The following LRRIQ1 variants were observed in gnomAD, a reference collection of about 807,000 sequenced individuals.
The protein encoded by LRRIQ1 is leucine rich repeats and IQ motif containing 1.
Under a neutral mutation model 211.9 loss-of-function variants are expected in LRRIQ1, and 210 were observed. The ratio of observed to expected loss-of-function variants is 0.99; its 90% CI spans 0.89 to 1.11. LRRIQ1 has a LOEUF of 1.11. Among genes scored for constraint, LRRIQ1 ranks in the 50% most tolerant of loss-of-function variants. The pLI is 0.00. For missense variants in LRRIQ1, 2,136 were observed against 1,939.5 expected (o/e 1.10, Z -1.90); for synonymous variants, 699 against 650.1 (o/e 1.08, Z -1.14).
intron 10 of LRRIQ1, among the ~76,000 whole-genome samples, chr12:85,069,047 G>A (rs867724844): frequency 1.5e-4 from 22 of 150,804 alleles, no homozygotes; most frequent in African/African-American, 2.7e-4. Context: ...CCATTAACTC[G>A]TCATTTAGCA....
chr12:85,082,092 A>G, intron 11 of LRRIQ1, among the ~76,000 whole-genome samples: 1 of 152,070 alleles, frequency 6.6e-6, no homozygotes, highest in Admixed American at 6.6e-5. Context: ...TTTCTCTAGT[A>G]AGAAAATTGG....
At chr12:85,261,765 TTTTATTTATTTATTTATTTA>T (rs375693906) in intron 1 of LRRIQ1, among the ~76,000 whole-genome samples, 10 of 139,666 alleles carry the variant, frequency 7.2e-5, no homozygotes, top group South Asian at 2.2e-4. Flanking sequence ...TTTTTGTTTA[TTTTATTTATTTATTTATTTA>T]TTTATTTATT....
rs1177157086 is a variant in LRRIQ1 at position 85,042,854 on chromosome 12, A to G, written c.245-1864A>G. ...CAAAAATACTTTATTTCTAAAAGCT[A>G]TATATTTCAGATCAAAATTGTACAA... On this transcript the variant is annotated intron_variant, in intron 3 of 26. Transcript: ENST00000393217. Among the ~76,000 whole-genome samples, 3 of 152,092 alleles carry G rather than the reference A, an allele frequency of 2.0e-5. No homozygotes were observed. The East Asian group carries it at 5.8e-4, about 29-fold the overall frequency.
chr12:85,098,727 T>A, intron 12 of LRRIQ1, 140 bp from the exon 13 acceptor site: 1 of 691,196 alleles, frequency 1.4e-6, no homozygotes, highest in Non-Finnish European at 2.2e-6. Context: ...TTATTCATAT[T>A]TAAAAAGTCT....
At chr12:85,151,036 C>A (rs535899493) in intron 19 of LRRIQ1, among the ~76,000 whole-genome samples, 5 of 151,362 alleles carry the variant, frequency 3.3e-5, no homozygotes, top group African/African-American at 4.8e-5. Context: ...ACTATAGTCA[C>A]CATGTTGTGC....
intron 24 of LRRIQ1, among the ~76,000 whole-genome samples, chr12:85,187,197 T>C (rs1236407027): frequency 6.6e-6 from 1 of 152,172 alleles, no homozygotes; most frequent in Non-Finnish European, 1.5e-5. Context: ...GAATGAAGGA[T>C]GTTGCATGCA....
At position 85,055,986 on chromosome 12, in the gene LRRIQ1, G is replaced by A; in HGVS notation, c.1193G>A (p.Ser398Asn). The A allele has an allele frequency of 1.2e-6, 2 of 1,609,772 alleles. No homozygotes were observed. The highest frequency in any genetic ancestry group is 1.7e-6 in the Non-Finnish European group (2 of 1,178,202). The change falls in exon 8 of 27, where the codon AGT becomes AAT. Residue 398 changes from serine (S) to asparagine (N), a missense_variant. Transcript: ENST00000393217. ...GCAAGCCAACAGCTAATAATAAGTA[G>A]TGCATTAAAGAAGAGCGGATATAAT... ...EDASQQLIIS[S>N]ALKKSGYNNK... is the part of the protein sequence containing the mutation.
chr12:85,158,871 T>C (rs954278051), intron 23 of LRRIQ1, among the ~76,000 whole-genome samples: 1 of 148,848 alleles, frequency 6.7e-6, no homozygotes, highest in South Asian at 2.2e-4. Context: ...GCTTTTTTTT[T>C]AACTGGGTTG....
At chr12:85,128,292 C>T (rs1001299140) in intron 18 of LRRIQ1, among the ~76,000 whole-genome samples, 29 of 152,134 alleles carry the variant, frequency 1.9e-4, no homozygotes, top group African/African-American at 7.0e-4. Flanking sequence ...CTGGACCACA[C>T]AACCATATTT....
chr12:85,061,174 T>C (rs1294157492), intron 8 of LRRIQ1, among the ~76,000 whole-genome samples: 1 of 151,802 alleles, frequency 6.6e-6, no homozygotes, highest in Non-Finnish European at 1.5e-5. Flanking sequence ...CCAACACCCA[T>C]TATGCTCCAA....
intron 24 of LRRIQ1, among the ~76,000 whole-genome samples, chr12:85,186,324 A>G (rs1325241141): frequency 2.0e-5 from 3 of 152,138 alleles, no homozygotes; most frequent in African/African-American, 4.8e-5. Context: ...TATAGGGAAT[A>G]TTCCTATTTA....
chr12:85,042,532 A>G (rs1259997889), intron 3 of LRRIQ1, among the ~76,000 whole-genome samples: 1 of 148,992 alleles, frequency 6.7e-6, no homozygotes, highest in Non-Finnish European at 1.5e-5. Flanking sequence ...TGTATTATTT[A>G]TTAAATTTGA....
In LRRIQ1 at chr12:85,198,326, A is replaced by G. The variant is rs1162172645; in HGVS notation, c.4823-31191A>G. ...TTATATTTCCTTGGGTGTATACCCA[A>G]AAGTGGAATTGCTGAGGTAAATGGT... On this transcript the variant is annotated intron_variant, in intron 24 of 26. Coordinates refer to ENST00000393217, the MANE Select transcript of LRRIQ1 (RefSeq NM_001079910.2). Among the ~76,000 whole-genome samples, 3 of 150,710 alleles carry G rather than the reference A, an allele frequency of 2.0e-5. No homozygotes were observed. The South Asian group carries it at 6.2e-4, about 31-fold the overall frequency.
chr12:85,212,223 T>A (rs909300909), intron 24 of LRRIQ1, among the ~76,000 whole-genome samples: 4 of 151,944 alleles, frequency 2.6e-5, no homozygotes, highest in Admixed American at 2.0e-4. Context: ...AGATGGAGGC[T>A]GCAGATGGTG....
At chr12:85,109,551 C>G (rs561462912) in intron 15 of LRRIQ1, among the ~76,000 whole-genome samples, 50 of 152,086 alleles carry the variant, frequency 3.3e-4, no homozygotes, top group Non-Finnish European at 6.2e-4. Context: ...GTACGTTAAG[C>G]TGTGCAGCAC....
chr12:85,135,276 G>A (rs1889043218), intron 18 of LRRIQ1, among the ~76,000 whole-genome samples: 1 of 151,220 alleles, frequency 6.6e-6, no homozygotes, highest in Non-Finnish European at 1.5e-5. Context: ...CTGGTTTTCT[G>A]TAAATTGATA....
chr12:85,066,107 T>C (rs1300704609), intron 9 of LRRIQ1, among the ~76,000 whole-genome samples: 1 of 151,938 alleles, frequency 6.6e-6, no homozygotes, highest in Non-Finnish European at 1.5e-5. Flanking sequence ...TGATGTGTAC[T>C]GGGAGCTACC....
chr12:85,072,251 C>A (rs1883164398), intron 10 of LRRIQ1, among the ~76,000 whole-genome samples: 1 of 151,032 alleles, frequency 6.6e-6, no homozygotes, highest in Non-Finnish European at 1.5e-5. Context: ...TTTGGTGATT[C>A]TTTTCAGTTT....
chr12:85,255,865 C>T (rs1213381964), intron 1 of LRRIQ1, among the ~76,000 whole-genome samples: 1 of 151,554 alleles, frequency 6.6e-6, no homozygotes, highest in Admixed American at 6.6e-5. Flanking sequence ...ACTGACTAGA[C>T]CTAGAAGATG....
Sources: allele counts gnomAD v4.1 joint callset (sites outside exome capture counted in the v4.1 genomes callset), GRCh38; gene constraint gnomAD v4.1.1; transcripts MANE v1.5; gene names NCBI Gene and HGNC (gene_info 2026-07-23, HGNC 2026-07-21).